Variants in KHDRBS2 observed in about 807,000 individuals in gnomAD.
KHDRBS2 encodes KH domain-containing, RNA-binding, signal transduction-associated protein 2.
A neutral mutation model predicts 44.3 loss-of-function variants in KHDRBS2; 26 were observed. That is an observed-to-expected ratio of 0.59 (90% CI 0.43 to 0.81). The LOEUF is 0.81. Among genes scored for constraint, KHDRBS2 ranks in the 40% least tolerant of loss-of-function variants. The pLI is 0.00. For synonymous variants in KHDRBS2, 194 were observed against 151.1 expected (o/e 1.28, Z -2.08); for missense variants, 476 against 433.1 (o/e 1.10, Z -0.88).
chr6:61,949,475 T>G (rs981488010), intron 4 of KHDRBS2, among the ~76,000 whole-genome samples: 1 of 152,116 alleles, frequency 6.6e-6, no homozygotes, highest in African/African-American at 2.4e-5. Context: ...TATTTCACAA[T>G]TATATGGTTT....
intron 2 of KHDRBS2, among the ~76,000 whole-genome samples, chr6:62,076,751 A>C (rs1254020299): frequency 1.3e-5 from 2 of 151,932 alleles, no homozygotes; most frequent in Admixed American, 6.6e-5. Flanking sequence ...ATTTGCTGAA[A>C]GACCAAATAA....
the KHDRBS2 span, among the ~76,000 whole-genome samples, chr6:61,637,885 G>GC: frequency 6.6e-6 from 1 of 151,956 alleles, no homozygotes; most frequent in African/African-American, 2.4e-5. Flanking sequence ...GGGGGTGTTT[G>GC]TTTTTTTCTT....
intron 6 of KHDRBS2, among the ~76,000 whole-genome samples, chr6:61,793,220 C>T (rs1488135019): frequency 6.6e-6 from 1 of 151,716 alleles, no homozygotes; most frequent in Non-Finnish European, 1.5e-5. Flanking sequence ...AAATCTGAAA[C>T]CCACTTCACA....
chr6:62,138,565 T>C (rs1245210598), intron 2 of KHDRBS2, among the ~76,000 whole-genome samples: 3 of 152,222 alleles, frequency 2.0e-5, no homozygotes, highest in Admixed American at 6.5e-5. Flanking sequence ...AGCGAGTCGC[T>C]CATATTGCAT....
At chr6:61,652,860 G>A in the KHDRBS2 span, among the ~76,000 whole-genome samples, 1 of 152,164 alleles carries the variant, frequency 6.6e-6, no homozygotes, top group East Asian at 1.9e-4. Context: ...AAATCTAGAA[G>A]ACATTTAGTT....
chr6:62,013,715 C>G (rs1027603784), intron 3 of KHDRBS2, among the ~76,000 whole-genome samples: 14 of 152,194 alleles, frequency 9.2e-5, no homozygotes, highest in African/African-American at 3.4e-4. Context: ...TCCGTCCTTA[C>G]AGTAACTCAG....
intron 7 of KHDRBS2, among the ~76,000 whole-genome samples, chr6:61,706,596 A>G (rs938300449): frequency 6.6e-6 from 1 of 151,750 alleles, no homozygotes; most frequent in Non-Finnish European, 1.5e-5. Flanking sequence ...TTTGCCTTCT[A>G]TTTACCTAGA....
At chr6:61,868,634 G>A (rs1030951387) in intron 6 of KHDRBS2, among the ~76,000 whole-genome samples, 1 of 152,054 alleles carries the variant, frequency 6.6e-6, no homozygotes, top group African/African-American at 2.4e-5. Context: ...CAGGGGTCGG[G>A]GGAAGGTCCC....
At chr6:62,240,676 A>ATGTGTG (rs1834494543) in intron 1 of KHDRBS2, among the ~76,000 whole-genome samples, 2 of 55,248 alleles carry the variant, frequency 3.6e-5, no homozygotes, top group Non-Finnish European at 6.5e-5. Flanking sequence ...GTGTGTGTAT[A>ATGTGTG]TATATATATA....
chr6:62,044,757 G>A (rs1210048754), intron 3 of KHDRBS2, among the ~76,000 whole-genome samples: 1 of 152,008 alleles, frequency 6.6e-6, no homozygotes, highest in Non-Finnish European at 1.5e-5. Context: ...AAGATTGGCA[G>A]TTGCATGTTG....
chr6:61,804,700 A>C (rs1786852882), intron 6 of KHDRBS2, among the ~76,000 whole-genome samples: 1 of 152,184 alleles, frequency 6.6e-6, no homozygotes, highest in South Asian at 2.1e-4. Flanking sequence ...AAGCTTCCAA[A>C]GCTTATGGCT....
chr6:61,897,437 A>G (rs752839057), intron 5 of KHDRBS2, among the ~76,000 whole-genome samples: 28 of 152,204 alleles, frequency 1.8e-4, no homozygotes, highest in Non-Finnish European at 4.0e-4. Flanking sequence ...CAGATTATTT[A>G]CAAGAATAAT....
chr6:62,206,535 T>TA (rs918224320), intron 1 of KHDRBS2, among the ~76,000 whole-genome samples: 3 of 152,092 alleles, frequency 2.0e-5, no homozygotes. Context: ...TTCATTTGTT[T>TA]AAATGTTTAA....
intron 1 of KHDRBS2, among the ~76,000 whole-genome samples, chr6:62,276,353 C>A (rs144162321): frequency 6.6e-6 from 1 of 152,114 alleles, no homozygotes; most frequent in East Asian, 1.9e-4. Flanking sequence ...TAAACAAAAC[C>A]CTGACTGCCT....
At chr6:61,866,826 G>T (rs1055615775) in intron 6 of KHDRBS2, among the ~76,000 whole-genome samples, 1 of 152,164 alleles carries the variant, frequency 6.6e-6, no homozygotes, top group African/African-American at 2.4e-5. Flanking sequence ...CAGTCTCTTT[G>T]CTAAAACATA....
At chr6:61,594,054 A>G in the KHDRBS2 span, among the ~76,000 whole-genome samples, 13 of 152,220 alleles carry the variant, frequency 8.5e-5, no homozygotes, top group Admixed American at 5.2e-4. Context: ...AAATATGTAT[A>G]CTGCCATAAA....
intron 6 of KHDRBS2, among the ~76,000 whole-genome samples, chr6:61,755,273 G>T (rs1456980616): frequency 2.0e-5 from 3 of 151,864 alleles, no homozygotes; most frequent in African/African-American, 7.3e-5. Context: ...TGACTGAATT[G>T]ATCTGTTTTA....
intron 6 of KHDRBS2, among the ~76,000 whole-genome samples, chr6:61,782,471 G>T (rs1399654203): frequency 6.6e-6 from 1 of 151,582 alleles, no homozygotes; most frequent in African/African-American, 2.4e-5. Flanking sequence ...AGTTTAATAT[G>T]ATTTATATAA....
intron 6 of KHDRBS2, among the ~76,000 whole-genome samples, chr6:61,766,782 T>C (rs1185402576): frequency 6.6e-6 from 1 of 152,164 alleles, no homozygotes; most frequent in Non-Finnish European, 1.5e-5. Context: ...AAAGTTCCTC[T>C]TGTTACCAAT....
Sources: gnomAD v4.1 joint callset for allele counts (sites outside exome capture counted in the v4.1 genomes callset) on GRCh38, gnomAD v4.1.1 for gene constraint, MANE v1.5 for transcripts, NCBI Gene and HGNC (gene_info 2026-07-23, HGNC 2026-07-21) for gene names.